IGDCC4: variants seen among roughly 807,000 people sequenced by gnomAD.
The protein encoded by IGDCC4 is immunoglobulin superfamily DCC subclass member 4.
Under a neutral mutation model 116.6 loss-of-function variants are expected in IGDCC4, and 72 were observed. The ratio of observed to expected loss-of-function variants is 0.62; its 90% CI spans 0.51 to 0.75. IGDCC4 has a LOEUF of 0.75. IGDCC4 is among the 30% of genes least tolerant of loss of function. The probability of loss-of-function intolerance (pLI) is 0.00; values close to 1 mark genes in which losing one functional copy is unlikely to be tolerated. For synonymous variants in IGDCC4, 709 were observed against 719.9 expected, an observed-to-expected ratio of 0.98 and a Z score of 0.24; for missense variants, 1,501 against 1,662.4, an observed-to-expected ratio of 0.90 and a Z score of 1.69.
In IGDCC4 at chr15:65,392,383, G is replaced by A; in HGVS notation, c.1886-13C>T. ...GGGGCAAAAGGGACTGGGGGGCAGAGGAGCAGGATGGGAAAATTAAGGAAC... is the reference window on the plus strand; with the variant it reads ...GGGGCAAAAGGGACTGGGGGGCAGAAGAGCAGGATGGGAAAATTAAGGAAC... On this transcript the variant is annotated splice_polypyrimidine_tract_variant and intron_variant, in intron 10 of 19. Coordinates refer to ENST00000352385, the MANE Select transcript of IGDCC4 (RefSeq NM_020962.3). The A allele has an allele frequency of 6.7e-7, 1 of 1,490,128 alleles. No individual in the cohort carries two copies. Among genetic ancestry groups the A allele is most frequent in the Admixed American group, 2.3e-5 (1 of 43,722 alleles). 92.3% of individuals were successfully genotyped at this position (1,490,128 alleles called of 1,614,324 possible). A position where few individuals can be genotyped will look rare whatever the true frequency, so the allele number is the denominator to read the frequency against.
chr15:65,388,850 G>C lies in IGDCC4; in HGVS notation c.2665C>G (p.His889Asp). The C allele has an allele frequency of 6.2e-7, 1 of 1,614,108 alleles. No individual in the cohort carries two copies. Among genetic ancestry groups the C allele is most frequent in the Non-Finnish European group, 8.5e-7 (1 of 1,180,040 alleles). ...GTCCACTGGTGCTCAGGCTGCGTGT[G>C]GTTGCTGCTGTACAGGATCAGATAC... is the stretch of plus-strand genomic sequence containing the variant. ...VEYLILYSSN[H>D]TQPEHQWTLL... Residue 889 changes from histidine (H) to aspartate (D), a missense_variant, in exon 15 of 20, where the codon CAC becomes GAC. This residue lies in a region of IGDCC4 where 235 missense variants were observed against 328.0 expected (regional missense o/e 0.72). Coordinates refer to ENST00000352385, the MANE Select transcript of IGDCC4 (RefSeq NM_020962.3).
Position 65,391,777 on chromosome 15 carries a change from C to T in IGDCC4, c.2224+103G>A, listed in dbSNP as rs886976240. On this transcript the variant is annotated intron_variant, in intron 12 of 19. Coordinates refer to ENST00000352385, the MANE Select transcript of IGDCC4 (RefSeq NM_020962.3). ...TGGGTTTGGGCATGAGCTGAGGCTA[C>T]TAAAGTACCTGCTCACCAGGCTGGC... The T allele has an allele frequency of 4.9e-6, 5 of 1,024,682 alleles. No homozygotes were observed. In the African/African-American group the frequency reaches 6.3e-5, roughly 13 times the overall value. 63.5% of individuals were successfully genotyped at this position (1,024,682 alleles called of 1,614,324 possible). A position where few individuals can be genotyped will look rare whatever the true frequency, so the allele number is the denominator to read the frequency against.
chr15:65,416,917 C>CCAG (rs1167543623), intron 1 of IGDCC4, among the ~76,000 whole-genome samples: 1 of 152,152 alleles, frequency 6.6e-6, no homozygotes, highest in African/African-American at 2.4e-5. Context: ...AGCTCCAGGG[C>CCAG]CAGCTCAATG....
At chr15:65,385,415 C>G (rs989662910) in intron 18 of IGDCC4, 363 of 525,452 alleles carry the variant, frequency 6.9e-4, no homozygotes, top group Middle Eastern at 4.6e-3. Flanking sequence ...TGGGATGTGC[C>G]GCCCCTGCCA....
chr15:65,403,609 G>A (rs1595788041), intron 3 of IGDCC4, among the ~76,000 whole-genome samples: 1 of 152,134 alleles, frequency 6.6e-6, no homozygotes, highest in Non-Finnish European at 1.5e-5. Context: ...TCTCACAGGT[G>A]GAGCAGAGTG....
At chr15:65,404,915 G>C (rs919462483) in intron 3 of IGDCC4, among the ~76,000 whole-genome samples, 14 of 152,166 alleles carry the variant, frequency 9.2e-5, no homozygotes, top group African/African-American at 2.9e-4. Context: ...GCCAAGGCAT[G>C]GTGGTGCACA....
At chr15:65,408,936 A>G (rs1251811749) in intron 3 of IGDCC4, among the ~76,000 whole-genome samples, 2 of 149,872 alleles carry the variant, frequency 1.3e-5, no homozygotes, top group Non-Finnish European at 3.0e-5. Context: ...CTGAACCTCC[A>G]AGTGATCTCG....
chr15:65,389,399 G>A lies in IGDCC4; in HGVS notation c.2421C>T (p.Asp807=). ...ATGGCTTCAAGCCGCCAATGAGGAT[G>A]TCTTCTCCAGAACTGCTAAGGCAAG... ...LVTYYTSSGE[D]ILIGGLKPFT... The change falls in exon 14 of 20, where the codon GAC becomes GAT. Residue 807 remains aspartate, a synonymous_variant. Coordinates refer to ENST00000352385, the MANE Select transcript of IGDCC4 (RefSeq NM_020962.3). The A allele has an allele frequency of 1.2e-6, 2 of 1,614,226 alleles. No individual in the cohort carries two copies. The highest frequency in any genetic ancestry group is 1.7e-6 in the Non-Finnish European group (2 of 1,180,046).
In IGDCC4 at chr15:65,410,997, C is replaced by T. The variant is rs540723278; in HGVS notation, c.421+23G>A. On this transcript the variant is annotated intron_variant, in intron 2 of 19. Coordinates refer to ENST00000352385, the MANE Select transcript of IGDCC4 (RefSeq NM_020962.3). ...CCAAGTCTGGGTTTCAGCCTCAGAC[C>T]CCCGCCCGATGCAAGCACTTACTGG... The T allele has an allele frequency of 3.2e-6, 5 of 1,576,710 alleles. No individual in the cohort carries two copies. The African/African-American group carries it at 6.7e-5, about 21-fold the overall frequency.
At chr15:65,420,210 G>A (rs1287336590) in intron 1 of IGDCC4, among the ~76,000 whole-genome samples, 1 of 152,202 alleles carries the variant, frequency 6.6e-6, no homozygotes, top group Non-Finnish European at 1.5e-5. Context: ...GCCTCCCAAA[G>A]TGCTGGGATT....
chr15:65,388,729 C>T, intron 15 of IGDCC4, 79 bp downstream of exon 15: 2 of 1,601,650 alleles, frequency 1.2e-6, no homozygotes, highest in South Asian at 1.1e-5. Context: ...CTGGAACAAA[C>T]CCCAGCACTG....
chr15:65,388,276 A>C (rs941904300), intron 16 of IGDCC4, among the ~76,000 whole-genome samples, 173 bp downstream of exon 16: 1 of 150,824 alleles, frequency 6.6e-6, no homozygotes, highest in African/African-American at 2.4e-5. Flanking sequence ...GTCCCCCACG[A>C]ACCTGGCCTC....
rs139423668 is a variant in IGDCC4, at chr15:65,391,888, G to A, written c.2216C>T (p.Pro739Leu). The A allele has an allele frequency of 4.2e-4, 678 of 1,613,378 alleles. 2 individuals are homozygous for A. The highest frequency in any genetic ancestry group is 6.3e-4 in the Admixed American group (38 of 59,996). The change falls in exon 12 of 20, where the codon CCG becomes CTG. Residue 739 changes from proline (P) to leucine (L), a missense_variant. By Grantham distance (98) the Pro-to-Leu change is moderately conservative (BLOSUM62 -3). Around this residue, in one of 3 missense-constraint regions of IGDCC4, gnomAD observed 235 missense variants for 328.0 expected, o/e 0.72. Transcript: ENST00000352385. ...AVWKGKTEKA[P>L]APDMPIQRGP... ...TCCCCCACCGCCCTCACCTGGTGCC[G>A]GCGCCTTCTCCGTCTTGCCCTTCCA...
chr15:65,402,590 T>G (rs192007060), intron 3 of IGDCC4, 103 bp from the exon 4 acceptor site: 12 of 1,412,278 alleles, frequency 8.5e-6, no homozygotes, highest in Non-Finnish European at 1.1e-5. Flanking sequence ...GATACCAGGC[T>G]GGGCGCAGTG....
intron 3 of IGDCC4, among the ~76,000 whole-genome samples, chr15:65,409,237 C>T (rs983292074): frequency 1.3e-5 from 2 of 152,150 alleles, no homozygotes; most frequent in African/African-American, 4.8e-5. Context: ...CTTACCTACA[C>T]ATGGGCAAAA....
At chr15:65,390,101 C>T in intron 13 of IGDCC4, 54 bp downstream of exon 13, 2 of 1,440,762 alleles carry the variant, frequency 1.4e-6, no homozygotes, top group Non-Finnish European at 1.9e-6. Flanking sequence ...CCCACCACCA[C>T]CCCCCACCTA....
At chr15:65,422,740 G>T in intron 1 of IGDCC4, 53 bp downstream of exon 1, 3 of 1,293,558 alleles carry the variant, frequency 2.3e-6, no homozygotes, top group South Asian at 1.9e-5. Flanking sequence ...ACCAGGGCGC[G>T]GGCGCACCAG....
intron 3 of IGDCC4, among the ~76,000 whole-genome samples, chr15:65,403,617 G>C (rs1385322216): frequency 6.6e-6 from 1 of 152,100 alleles, no homozygotes; most frequent in African/African-American, 2.4e-5. Context: ...GTGGAGCAGA[G>C]TGAAAACTCG....
At chr15:65,394,041 C>G (rs1194278909) in intron 9 of IGDCC4, among the ~76,000 whole-genome samples, 1 of 152,116 alleles carries the variant, frequency 6.6e-6, no homozygotes, top group Non-Finnish European at 1.5e-5. Flanking sequence ...TGCTCTGTTA[C>G]CCAGATGGGA....
Sources: allele counts gnomAD v4.1 joint callset (sites outside exome capture counted in the v4.1 genomes callset), GRCh38; gene constraint gnomAD v4.1.1; regional missense constraint gnomAD v4.1.1; transcripts MANE v1.5; gene names NCBI Gene and HGNC (gene_info 2026-07-23, HGNC 2026-07-21).